DNAJC5: variants seen among roughly 807,000 people sequenced by gnomAD.
DNAJC5 encodes the protein DnaJ heat shock protein family (Hsp40) member C5.
DNAJC5 carries 1 observed loss-of-function variant against 23.2 expected under a neutral mutation model. The observed-to-expected ratio is 0.04, with a 90% CI of 0.02 to 0.20. The LOEUF is 0.20. Ranked by LOEUF, DNAJC5 falls within the 10% of genes least tolerant of loss-of-function variation. The pLI is 1.00. For missense variants in DNAJC5, 180 were observed against 267.0 expected (o/e 0.67, Z 2.27); for synonymous variants, 136 against 120.0 (o/e 1.13, Z -0.87).
intron 1 of DNAJC5, among the ~76,000 whole-genome samples, chr20:63,926,767 A>G (rs2053619786): frequency 6.6e-6 from 1 of 152,216 alleles, no homozygotes; most frequent in Admixed American, 6.5e-5. Flanking sequence ...TCACCTGCAC[A>G]GGGCAGCGCA....
chr20:63,910,203 C>T (rs2053473851), intron 1 of DNAJC5, among the ~76,000 whole-genome samples: 1 of 152,076 alleles, frequency 6.6e-6, no homozygotes, highest in South Asian at 2.1e-4. Flanking sequence ...AACCTGTGGC[C>T]TCATTGGTGT....
At chr20:63,902,048 A>G (rs2053416279) in intron 1 of DNAJC5, among the ~76,000 whole-genome samples, 1 of 152,094 alleles carries the variant, frequency 6.6e-6, no homozygotes, top group Non-Finnish European at 1.5e-5. Flanking sequence ...TCTTTAAAAT[A>G]ATAATGCTTT....
At position 63,930,961 on chromosome 20, in the gene DNAJC5, G is replaced by T; in HGVS notation, c.432G>T (p.Glu144Asp). The T allele has an allele frequency of 6.2e-7, 1 of 1,614,184 alleles. No homozygotes were observed. Among genetic ancestry groups the T allele is most frequent in the Non-Finnish European group, 8.5e-7 (1 of 1,180,052 alleles). Reference protein sequence around the residue: ...GKCKPKAPEGEETEFYVSPED... With the variant: ...GKCKPKAPEGDETEFYVSPED... ...GTAAGCCCAAGGCGCCTGAAGGCGA[G>T]GAGACGGAGTTCTACGTGTCCCCCG... Residue 144 changes from glutamate (E) to aspartate (D), a missense_variant, in exon 4 of 5, where the codon GAG becomes GAT. Transcript: ENST00000360864.
In DNAJC5 at chr20:63,928,566, C is replaced by G. The variant is rs571273049; in HGVS notation, c.107+114C>G. ...ACATACTTTATCCTGGCCGACTCAG[C>G]GTTGAACTGGTCACAGCTCGGTAAC... is the stretch of plus-strand genomic sequence containing the variant. On this transcript the variant is annotated intron_variant, in intron 2 of 4. Coordinates refer to ENST00000360864, the MANE Select transcript of DNAJC5 (RefSeq NM_025219.3). The surrounding 1 kb of genome is among the most constrained non-coding windows in gnomAD (Gnocchi z 4.6). The G allele has an allele frequency of 3.5e-6, 3 of 857,096 alleles. No individual in the cohort carries two copies. The South Asian group carries it at 4.2e-5, about 12-fold the overall frequency. 53.1% of individuals were successfully genotyped at this position (857,096 alleles called of 1,614,324 possible). A position where few individuals can be genotyped will look rare whatever the true frequency, so the allele number is the denominator to read the frequency against.
chr20:63,920,404 C>T lies in DNAJC5; in HGVS notation c.-11-7931C>T, dbSNP rs1247857955. The stretch of plus-strand genomic sequence containing the variant: ...AAGGGGCTGGCGTCAGCAGGGCTCT[C>T]GTCCGCCAACGTCTGGTGGGGATGC... On this transcript the variant is annotated intron_variant, in intron 1 of 4. Transcript: ENST00000360864. This position sits in a 1 kb window ranked among gnomAD's most constrained non-coding sequence, Gnocchi z 4.6. 2.0e-5 allele frequency among the ~76,000 whole-genome samples: 3 copies of T among 150,198 alleles called. No individual in the cohort carries two copies. The highest frequency in any genetic ancestry group is 4.4e-5 in the Non-Finnish European group (3 of 67,884).
intron 1 of DNAJC5, among the ~76,000 whole-genome samples, chr20:63,911,779 T>A (rs1330396187): frequency 6.6e-6 from 1 of 151,830 alleles, no homozygotes; most frequent in African/African-American, 2.4e-5. Flanking sequence ...GCTCGAGTGA[T>A]CCTCCCATCC....
intron 1 of DNAJC5, among the ~76,000 whole-genome samples, chr20:63,900,428 A>G (rs1042594752): frequency 6.6e-6 from 1 of 151,850 alleles, no homozygotes; most frequent in African/African-American, 2.4e-5. Context: ...ACTAGAAACA[A>G]TTAGCCGGGT....
At chr20:63,899,647 C>T (rs2053396924) in intron 1 of DNAJC5, among the ~76,000 whole-genome samples, 1 of 151,966 alleles carries the variant, frequency 6.6e-6, no homozygotes, top group Admixed American at 6.6e-5. Flanking sequence ...GGTGGCGTGA[C>T]CTTGGCTCAC....
chr20:63,911,582 G>A (rs1015485277), intron 1 of DNAJC5, among the ~76,000 whole-genome samples: 7 of 152,178 alleles, frequency 4.6e-5, no homozygotes, highest in African/African-American at 7.2e-5. Flanking sequence ...CTCGTGTTGC[G>A]TTAAGCTCAG....
At chr20:63,925,569 G>T (rs1029950572) in intron 1 of DNAJC5, among the ~76,000 whole-genome samples, 12 of 152,092 alleles carry the variant, frequency 7.9e-5, no homozygotes, top group African/African-American at 2.9e-4. Flanking sequence ...AAACAGGAAG[G>T]CAAGTTCTTC....
chr20:63,930,042 C>A (rs115326204), intron 3 of DNAJC5, among the ~76,000 whole-genome samples: 1 of 152,184 alleles, frequency 6.6e-6, no homozygotes, highest in African/African-American at 2.4e-5. Context: ...ATGTTACATC[C>A]GCATTTCTTC....
Position 63,931,015 on chromosome 20 carries a change from C to A in DNAJC5, c.486C>A (p.Asp162Glu). 1.9e-6 allele frequency: 3 copies of A among 1,613,894 alleles called. No homozygotes were observed. The highest frequency in any genetic ancestry group is 2.2e-5 in the East Asian group (1 of 44,884). The change falls in exon 4 of 5, where the codon GAC becomes GAA. Residue 162 changes from aspartate (D) to glutamate (E), a missense_variant. Asp to Glu is a conservative substitution (Grantham distance 45). Transcript: ENST00000360864. The surrounding 1 kb of genome is among the most constrained non-coding windows in gnomAD (Gnocchi z 9.6). ...PEDLEAQLQS[D>E]EREATDTPIV... ...ATCTGGAGGCACAGCTGCAGTCTGA[C>A]GAGAGGGGTGAGTGCCCGCCCCAGG... is the stretch of plus-strand genomic sequence containing the variant.
At chr20:63,924,707 G>A (rs1057294335) in intron 1 of DNAJC5, among the ~76,000 whole-genome samples, 1 of 152,236 alleles carries the variant, frequency 6.6e-6, no homozygotes, top group Non-Finnish European at 1.5e-5. Context: ...AAATTAGCTG[G>A]GTGCAGTGGT....
chr20:63,907,267 T>A (rs1462023089), intron 1 of DNAJC5, among the ~76,000 whole-genome samples: 1 of 152,140 alleles, frequency 6.6e-6, no homozygotes, highest in East Asian at 1.9e-4. Flanking sequence ...GACTTTGATT[T>A]CAGTTACAGC....
intron 1 of DNAJC5, among the ~76,000 whole-genome samples, chr20:63,912,290 G>A (rs1319275103): frequency 1.3e-5 from 2 of 148,786 alleles, no homozygotes; most frequent in South Asian, 4.3e-4. Flanking sequence ...GCGACAGAGT[G>A]AGAATCGGTC....
chr20:63,903,291 C>T (rs191504644), intron 1 of DNAJC5, among the ~76,000 whole-genome samples: 168 of 152,260 alleles, frequency 1.1e-3, no homozygotes, highest in Non-Finnish European at 1.8e-3. Context: ...AGATTGTAGG[C>T]ACGCACCACC....
chr20:63,929,138 C>T lies in DNAJC5; in HGVS notation c.108-174C>T, dbSNP rs950474127. ...TGAGGAGGTTTACCTGAAACAACCG[C>T]GGAGCTTGCTTTTGTCCCTGGCCCC... On this transcript the variant is annotated intron_variant, in intron 2 of 4. Coordinates refer to ENST00000360864, the MANE Select transcript of DNAJC5 (RefSeq NM_025219.3). This position sits in a 1 kb window ranked among gnomAD's most constrained non-coding sequence, Gnocchi z 8.6. 2.0e-5 allele frequency among the ~76,000 whole-genome samples: 3 copies of T among 152,150 alleles called. No individual in the cohort carries two copies. The highest frequency in any genetic ancestry group is 1.3e-4 in the Admixed American group (2 of 15,270).
intron 1 of DNAJC5, among the ~76,000 whole-genome samples, chr20:63,904,018 G>A (rs1427310081): frequency 1.3e-5 from 2 of 152,128 alleles, no homozygotes; most frequent in African/African-American, 4.8e-5. Flanking sequence ...GATCCCTGGA[G>A]CCTGGGAAGC....
At chr20:63,901,415 G>T (rs1046617270) in intron 1 of DNAJC5, among the ~76,000 whole-genome samples, 1 of 152,208 alleles carries the variant, frequency 6.6e-6, no homozygotes, top group Non-Finnish European at 1.5e-5. Context: ...CCTGCCCTGT[G>T]CCTCTATTTT....
Sources: gnomAD v4.1 joint callset for allele counts (sites outside exome capture counted in the v4.1 genomes callset) on GRCh38, gnomAD v4.1.1 for gene constraint, Gnocchi (gnomAD v3.1) non-coding constraint, MANE v1.5 for transcripts, NCBI Gene and HGNC (gene_info 2026-07-23, HGNC 2026-07-21) for gene names.